Variants in MEFV observed in about 807,000 individuals in gnomAD.
MEFV encodes pyrin.
A neutral mutation model predicts 62.5 loss-of-function variants in MEFV; 60 were observed. The observed-to-expected ratio is 0.96, with a 90% confidence interval of 0.78 to 1.19. The LOEUF (loss-of-function observed/expected upper bound fraction) is 1.19, where lower values mean the gene tolerates loss of function less well. Among genes scored for constraint, MEFV ranks in the 50% most tolerant of loss-of-function variants. The probability of loss-of-function intolerance (pLI) is 0.00; values close to 1 mark genes in which losing one functional copy is unlikely to be tolerated. For synonymous variants in MEFV, 500 were observed against 415.2 expected, an observed-to-expected ratio of 1.20 and a Z score of -2.48; for missense variants, 1,169 against 1,004.5, an observed-to-expected ratio of 1.16 and a Z score of -2.21.
Position 3,242,225 on chromosome 16 carries a change from ATGGTGG to A in MEFV, c.*910_*915del. On this transcript the variant is annotated 3_prime_UTR_variant, in exon 10 of 10. Transcript: ENST00000219596. ...TAAAAATGCAAAAAATTAGCCGGGCATGGTGGCGGGCGCCTGTAATCCCAGCTACTT... is the reference window on the plus strand; with the variant it reads ...TAAAAATGCAAAAAATTAGCCGGGCACGGGCGCCTGTAATCCCAGCTACTT... The A allele has an allele frequency of 3.4e-5, 8 of 237,998 alleles. No individual in the cohort carries two copies. Among genetic ancestry groups the A allele is most frequent in the South Asian group, 2.1e-4 (6 of 29,074 alleles). 14.7% of individuals were successfully genotyped at this position (237,998 alleles called of 1,614,324 possible). A position where few individuals can be genotyped will look rare whatever the true frequency, so the allele number is the denominator to read the frequency against.
At chr16:3,244,710 G>T (rs759845581) in intron 6 of MEFV, 122 bp from the exon 7 acceptor site, 7 of 777,796 alleles carry the variant, frequency 9.0e-6, no homozygotes, top group African/African-American at 5.1e-5. Flanking sequence ...GCTACACAAA[G>T]AAAAGTCTTC....
At position 3,244,288 on chromosome 16, in the gene MEFV, TA is replaced by T; in HGVS notation, c.1727-3del. 6.2e-7 allele frequency: 1 copy of T among 1,614,024 alleles called. No individual in the cohort carries two copies. The highest frequency in any genetic ancestry group is 8.5e-7 in the Non-Finnish European group (1 of 1,180,000). On this transcript the variant is annotated splice_polypyrimidine_tract_variant and splice_region_variant and intron_variant, in intron 7 of 9. Coordinates refer to ENST00000219596, the MANE Select transcript of MEFV (RefSeq NM_000243.3). Reference sequence around the variant, plus strand: ...TTTCCATTTCTGAACGCAGGGTTTCTAAAATGTGGGAAAGGGAGCAGAGAGA... The same window carrying T: ...TTTCCATTTCTGAACGCAGGGTTTCTAAATGTGGGAAAGGGAGCAGAGAGA...
chr16:3,246,774 C>T (rs963229416), intron 5 of MEFV, among the ~76,000 whole-genome samples: 11 of 152,196 alleles, frequency 7.2e-5, no homozygotes, highest in African/African-American at 2.7e-4. Context: ...GCCCTCAAGC[C>T]CTGCTGATCC....
In MEFV at chr16:3,244,480, G is replaced by T. The variant is rs759300401; in HGVS notation, c.1719C>A (p.Tyr573Ter). ...TCTCCCAAGCCCATCTACCTGAGAA[G>T]TACTTTGTGCTCTTCTCCACAAACT... ...KSEFVEKSTK[Y>*]FSETLRSEME... Residue 573 changes from tyrosine to a stop codon, truncating the protein, a stop_gained, in exon 7 of 10, where the codon TAC becomes TAA. Transcript: ENST00000219596. LOFTEE classifies it high-confidence loss of function. 1 of 1,613,666 alleles carries T rather than the reference G, an allele frequency of 6.2e-7. No individual in the cohort carries two copies. Among genetic ancestry groups the T allele is most frequent in the Non-Finnish European group, 8.5e-7 (1 of 1,179,634 alleles).
Position 3,248,975 on chromosome 16 carries a change from C to T in MEFV, c.1290G>A (p.Leu430=). The T allele has an allele frequency of 6.2e-7, 1 of 1,614,252 alleles. No individual in the cohort carries two copies. The highest frequency in any genetic ancestry group is 8.5e-7 in the Non-Finnish European group (1 of 1,180,040). ...KKKIQKQLEH[L]KKLRKSGEEQ... Reference sequence around the variant, plus strand: ...CCTCCCCTGATTTTCTCAGCTTCTTCAGATGCTCCAGCTGCTTCTGAATTT... The same window carrying T: ...CCTCCCCTGATTTTCTCAGCTTCTTTAGATGCTCCAGCTGCTTCTGAATTT... Residue 430 remains leucine (L), a synonymous_variant, in exon 4 of 10, where the codon CTG becomes CTA. Transcript: ENST00000219596.
Position 3,242,715 on chromosome 16 carries a change from C to A in MEFV, c.*426G>T. ...ATCATAGTTCATTAATCCAGGTACA[C>A]AAATACTTCTATCCCAATCCAGTCT... is the stretch of plus-strand genomic sequence containing the variant. On this transcript the variant is annotated 3_prime_UTR_variant, in exon 10 of 10. Transcript: ENST00000219596. 4.3e-6 allele frequency: 1 copy of A among 232,686 alleles called. No homozygotes were observed. Among genetic ancestry groups the A allele is most frequent in the Non-Finnish European group, 8.7e-6 (1 of 114,780 alleles). The allele number at this position is 232,686 out of a possible 1,614,324, so 14.4% of individuals were successfully genotyped here.
chr16:3,256,514 T>G lies in MEFV; in HGVS notation c.74A>C (p.Lys25Thr), dbSNP rs924530771. Residue 25 changes from lysine to threonine, a missense_variant, in exon 1 of 10, where the codon AAG (lysine) becomes ACG (threonine). Transcript: ENST00000219596. ...CACACTGGTGTTCTGCAGCTTGAACTTGAACTTCTCGAAGTCATAGGGCAC... is the reference window on the plus strand; with the variant it reads ...CACACTGGTGTTCTGCAGCTTGAACGTGAACTTCTCGAAGTCATAGGGCAC... ...ELVPYDFEKF[K>T]FKLQNTSVQK... The G allele has an allele frequency of 6.2e-6, 10 of 1,614,072 alleles. No homozygotes were observed. The highest frequency in any genetic ancestry group is 6.8e-6 in the Non-Finnish European group (8 of 1,180,044).
chr16:3,249,489 C>A lies in MEFV; in HGVS notation c.1202G>T (p.Ser401Ile). Residue 401 changes from serine (S) to isoleucine (I), a missense_variant, in exon 3 of 10, where the codon AGT (serine) becomes ATT (isoleucine). By Grantham distance (142) the Ser-to-Ile change is moderately radical (BLOSUM62 -2). Transcript: ENST00000219596. ...CACCCGGTGGCCTTGGTGCTCCTGA[C>A]TCAGACTGCAGATGAGGCAGATGGG... ...DEPICLICSL[S>I]QEHQGHRVRP... The A allele has an allele frequency of 6.2e-7, 1 of 1,614,158 alleles. No individual in the cohort carries two copies. The highest frequency in any genetic ancestry group is 8.5e-7 in the Non-Finnish European group (1 of 1,180,036).
Position 3,242,985 on chromosome 16 carries a change from C to T in MEFV, c.*156G>A, listed in dbSNP as rs1318018179. On this transcript the variant is annotated 3_prime_UTR_variant, in exon 10 of 10. Coordinates refer to ENST00000219596, the MANE Select transcript of MEFV (RefSeq NM_000243.3). ...ACTAACATGTTCGTTCCTAACTTAC[C>T]TCTGCTATAATCGGGTAGGCTCCGT... is the stretch of plus-strand genomic sequence containing the variant. 2.6e-5 allele frequency: 20 copies of T among 783,990 alleles called. 1 individual carries two copies. In the Admixed American group the frequency reaches 4.2e-4, roughly 17 times the overall value. The allele number at this position is 783,990 out of a possible 1,614,324, so 48.6% of individuals were successfully genotyped here. A position where few individuals can be genotyped will look rare whatever the true frequency, so the allele number is the denominator to read the frequency against.
rs1022234597 is a variant in MEFV, at chr16:3,242,903, G to A, written c.*238C>T. ...CAGGGGCGGATTATGCAACGACTCC[G>A]TACTTCCTCCTCTGAAATCCATGGT... On this transcript the variant is annotated 3_prime_UTR_variant, in exon 10 of 10. Transcript: ENST00000219596. The A allele has an allele frequency of 2.0e-5, 11 of 559,088 alleles. No homozygotes were observed. Among genetic ancestry groups the A allele is most frequent in the Non-Finnish European group, 2.6e-5 (8 of 309,440 alleles). The allele number at this position is 559,088 out of a possible 1,614,324, so 34.6% of individuals were successfully genotyped here.
chr16:3,255,958 C>T (rs1254702801), intron 1 of MEFV, among the ~76,000 whole-genome samples: 2 of 152,026 alleles, frequency 1.3e-5, no homozygotes, highest in South Asian at 2.1e-4. Flanking sequence ...CAACCCCGTT[C>T]ATATGATTGC....
chr16:3,248,637 C>A (rs1359153589), intron 4 of MEFV: 5 of 930,136 alleles, frequency 5.4e-6, no homozygotes, highest in Non-Finnish European at 7.4e-6. Flanking sequence ...TCCCATCTTT[C>A]TGCAGTAGTC....
intron 2 of MEFV, among the ~76,000 whole-genome samples, chr16:3,251,336 TC>T (rs1370370426): frequency 6.6e-6 from 1 of 152,112 alleles, no homozygotes; most frequent in Non-Finnish European, 1.5e-5. Context: ...TCTAGAAACT[TC>T]TAGAGCTTTC....
At position 3,254,704 on chromosome 16, in the gene MEFV, C is replaced by CTGGA; in HGVS notation, c.360_363dup (p.Asp122SerfsTer121). 6.2e-7 allele frequency: 1 copy of CTGGA among 1,612,788 alleles called. No individual in the cohort carries two copies. Among genetic ancestry groups the CTGGA allele is most frequent in the Non-Finnish European group, 8.5e-7 (1 of 1,179,992 alleles). On this transcript the variant is annotated frameshift_variant, in exon 2 of 10. Coordinates refer to ENST00000219596, the MANE Select transcript of MEFV (RefSeq NM_000243.3). LOFTEE classifies it high-confidence loss of function. The stretch of plus-strand genomic sequence containing the variant: ...TTCCCCTCGTTCCCCTCGGGGTGGT[C>CTGGA]TGGAGTCTTCAGGCTCCTGGGCTTG...
Position 3,254,919 on chromosome 16 carries a change from G to A in MEFV, c.278-129C>T, listed in dbSNP as rs181162651. ...TTGAGGAAAACAACGGGCCGGGCGC[G>A]GTGGCTCATGCCTGTATTCCCGGCA... On this transcript the variant is annotated intron_variant, in intron 1 of 9. Transcript: ENST00000219596. 55 of 1,464,238 alleles carry A rather than the reference G, an allele frequency of 3.8e-5. No individual in the cohort carries two copies. In the East Asian group the frequency reaches 1.1e-3, roughly 30 times the overall value. 90.7% of individuals were successfully genotyped at this position (1,464,238 alleles called of 1,614,324 possible). A position where few individuals can be genotyped will look rare whatever the true frequency, so the allele number is the denominator to read the frequency against.
intron 3 of MEFV, among the ~76,000 whole-genome samples, 178 bp downstream of exon 3, chr16:3,249,253 A>G (rs1000923269): frequency 4.3e-4 from 66 of 152,218 alleles, no homozygotes; most frequent in African/African-American, 1.5e-3. Context: ...TGGATCTCTG[A>G]GCAACATAAA....
At position 3,244,637 on chromosome 16, in the gene MEFV, C is replaced by T. The variant is rs936879661; in HGVS notation, c.1611-49G>A. The stretch of plus-strand genomic sequence containing the variant: ...AGAGAAGGCCGGAGCGAGGGGGTGG[C>T]CCAAGTACCCGTGAGCTGGAAATGA... On this transcript the variant is annotated intron_variant, in intron 6 of 9. Transcript: ENST00000219596. The T allele has an allele frequency of 1.1e-5, 15 of 1,389,352 alleles. No homozygotes were observed. The African/African-American group carries it at 1.1e-4, about 11-fold the overall frequency. 86.1% of individuals were successfully genotyped at this position (1,389,352 alleles called of 1,614,324 possible).
chr16:3,254,071 G>T (rs1050521314), intron 2 of MEFV, 87 bp downstream of exon 2: 1 of 1,479,502 alleles, frequency 6.8e-7, no homozygotes. Flanking sequence ...GCCTCCCAAA[G>T]CGCTGGGATT....
intron 4 of MEFV, chr16:3,248,645 G>T: frequency 9.7e-7 from 1 of 1,028,992 alleles, no homozygotes; most frequent in Non-Finnish European, 1.3e-6. Flanking sequence ...TTCTGCAGTA[G>T]TCACCGGCAT....
Sources: gnomAD v4.1 joint callset for allele counts (sites outside exome capture counted in the v4.1 genomes callset) on GRCh38, gnomAD v4.1.1 for gene constraint, MANE v1.5 for transcripts, NCBI Gene and HGNC (gene_info 2026-07-23, HGNC 2026-07-21) for gene names.